DNM2: variants seen among roughly 807,000 people sequenced by gnomAD.
DNM2 encodes the protein dynamin-2.
In DNM2, 15 loss-of-function variants were observed where a neutral mutation model predicts 99.0. That is an observed-to-expected ratio of 0.15 (90% confidence interval 0.10 to 0.23). The LOEUF (loss-of-function observed/expected upper bound fraction) is 0.23. Ranked by LOEUF, DNM2 falls within the 10% of genes least tolerant of loss-of-function variation. The pLI is 1.00. For missense variants in DNM2, 742 were observed against 1,189.4 expected (o/e 0.62, Z 5.53); for synonymous variants, 525 against 481.2 (o/e 1.09, Z -1.19).
intron 1 of DNM2, among the ~76,000 whole-genome samples, chr19:10,753,201 T>C (rs896521405): frequency 6.6e-6 from 1 of 152,190 alleles, no homozygotes; most frequent in African/African-American, 2.4e-5. Context: ...CAGTGTTGAA[T>C]AGCTATTAGC....
chr19:10,726,937 C>T (rs2069135810), intron 1 of DNM2, among the ~76,000 whole-genome samples: 1 of 152,184 alleles, frequency 6.6e-6, no homozygotes, highest in African/African-American at 2.4e-5. Flanking sequence ...CGACTATCAA[C>T]TCGCTACTCA....
intron 2 of DNM2, among the ~76,000 whole-genome samples, chr19:10,761,484 G>T (rs2070631835): frequency 6.6e-6 from 1 of 152,128 alleles, no homozygotes; most frequent in Non-Finnish European, 1.5e-5. Context: ...AGGATCTTGG[G>T]TCAGAAGCTA....
At chr19:10,798,291 C>T (rs774644375) in intron 10 of DNM2, 195 bp from the exon 11 acceptor site, 18 of 606,792 alleles carry the variant, frequency 3.0e-5, no homozygotes, top group East Asian at 8.4e-5. Flanking sequence ...CTGCTGTCTC[C>T]GGTCCACGGT....
intron 1 of DNM2, among the ~76,000 whole-genome samples, chr19:10,747,385 C>T (rs2070027382): frequency 6.6e-6 from 1 of 152,176 alleles, no homozygotes; most frequent in Admixed American, 6.6e-5. Context: ...GCCACGATCA[C>T]GAATTGCCAC....
chr19:10,751,234 AACCTAG>A (rs1449294643), intron 1 of DNM2, among the ~76,000 whole-genome samples: 1 of 152,014 alleles, frequency 6.6e-6, no homozygotes, highest in Admixed American at 6.6e-5. Flanking sequence ...ACTGACGGGA[AACCTAG>A]ACCAGAGAGG....
At position 10,817,583 on chromosome 19, in the gene DNM2, A is replaced by G. The variant is rs1227564445; in HGVS notation, c.1672-2397A>G. On this transcript the variant is annotated intron_variant, in intron 15 of 20. Transcript: ENST00000389253. The surrounding 1 kb of genome is among the most constrained non-coding windows in gnomAD (Gnocchi z 4.6). ...GTGCCTCAGCACCTCTGAGCAGCCA[A>G]GGAAACCACCACTCTTCCCGAGACG... 2.7e-6 allele frequency: 1 copy of G among 371,232 alleles called. No homozygotes were observed. Among genetic ancestry groups the G allele is most frequent in the East Asian group, 1.1e-4 (1 of 8,882 alleles). The allele number at this position is 371,232 out of a possible 1,614,324, so 23.0% of individuals were successfully genotyped here.
chr19:10,830,516 GCGAGGAAACAGGCCCAGAGA>G lies in DNM2; in HGVS notation c.2543+139_2543+158del. On this transcript the variant is annotated intron_variant, in intron 20 of 20. Transcript: ENST00000389253. The surrounding 1 kb of genome is among the most constrained non-coding windows in gnomAD (Gnocchi z 4.8). ...AATCGTCCTCATCCCTATTTGGCTT[GCGAGGAAACAGGCCCAGAGA>G]GGCCAAGAGGCTTGTTCAGTGTCAC... is the stretch of plus-strand genomic sequence containing the variant. The G allele has an allele frequency of 2.8e-6, 3 of 1,090,794 alleles. No individual in the cohort carries two copies. In the African/African-American group the frequency reaches 4.7e-5, roughly 17 times the overall value. The allele number at this position is 1,090,794 out of a possible 1,614,324, so 67.6% of individuals were successfully genotyped here. A position where few individuals can be genotyped will look rare whatever the true frequency, so the allele number is the denominator to read the frequency against.
chr19:10,776,119 A>G (rs899108381), intron 4 of DNM2, among the ~76,000 whole-genome samples: 11 of 152,018 alleles, frequency 7.2e-5, no homozygotes, highest in African/African-American at 2.7e-4. Context: ...TCCTCCTTGG[A>G]CATGGCAGTG....
In DNM2 at chr19:10,786,629, G is replaced by A. The variant is rs773624569; in HGVS notation, c.915G>A (p.Leu305=). Residue 305 remains leucine (L), a synonymous_variant, in exon 7 of 21, where the codon CTG becomes CTA. Transcript: ENST00000389253. ...GTAGCAAACTACAGAGCCAGCTGCTGTCCCTGGAGAAGGAGGTGGAGGAGT... is the reference window on the plus strand; with the variant it reads ...GTAGCAAACTACAGAGCCAGCTGCTATCCCTGGAGAAGGAGGTGGAGGAGT... ...ALRSKLQSQL[L]SLEKEVEEYK... is the part of the protein sequence containing the mutation. 14 of 1,614,172 alleles carry A rather than the reference G, an allele frequency of 8.7e-6. No individual in the cohort carries two copies. The highest frequency in any genetic ancestry group is 1.1e-5 in the Non-Finnish European group (13 of 1,180,032).
intron 15 of DNM2, among the ~76,000 whole-genome samples, chr19:10,814,405 G>A (rs577547064): frequency 2.0e-5 from 3 of 150,960 alleles, no homozygotes; most frequent in Admixed American, 6.6e-5. Context: ...CAGAGGTTGC[G>A]GTGAGCCAAA....
At position 10,783,025 on chromosome 19, in the gene DNM2, C is replaced by G; in HGVS notation, c.754C>G (p.Leu252Val). The G allele has an allele frequency of 1.2e-6, 2 of 1,614,128 alleles. No individual in the cohort carries two copies. The highest frequency in any genetic ancestry group is 8.5e-7 in the Non-Finnish European group (1 of 1,180,058). ...GGGCAAGAAGGACATCCGTGCAGCA[C>G]TGGCAGCTGAGAGGAAGTTCTTCCT... is the stretch of plus-strand genomic sequence containing the variant. ...IEGKKDIRAA[L>V]AAERKFFLSH... The change falls in exon 6 of 21, where the codon CTG (leucine) becomes GTG (valine). Residue 252 changes from leucine (L) to valine (V), a missense_variant. Physicochemically the swap from Leu to Val is conservative, Grantham distance 32. Transcript: ENST00000389253.
At chr19:10,787,053 G>T (rs901148699) in intron 7 of DNM2, among the ~76,000 whole-genome samples, 2 of 152,210 alleles carry the variant, frequency 1.3e-5, no homozygotes, top group East Asian at 1.9e-4. Context: ...GCATTGGCCG[G>T]CCAGGAGCGG....
At chr19:10,733,796 C>T (rs1266636475) in intron 1 of DNM2, among the ~76,000 whole-genome samples, 1 of 151,708 alleles carries the variant, frequency 6.6e-6, no homozygotes, top group East Asian at 1.9e-4. Flanking sequence ...CACCTGAGGT[C>T]AGGAGTTCAA....
chr19:10,808,490 C>T, intron 13 of DNM2, 79 bp from the exon 14 acceptor site: 1 of 1,505,940 alleles, frequency 6.6e-7, no homozygotes, highest in Non-Finnish European at 9.1e-7. Context: ...TTCTTTGTCC[C>T]CTTCACGTCC....
chr19:10,819,045 G>A (rs944030495), intron 15 of DNM2, among the ~76,000 whole-genome samples: 38 of 152,226 alleles, frequency 2.5e-4, no homozygotes, highest in African/African-American at 8.9e-4. Flanking sequence ...GCCCCTGGCC[G>A]AGGGGCCCAC....
intron 2 of DNM2, among the ~76,000 whole-genome samples, chr19:10,762,632 G>A (rs1693053920): frequency 1.3e-5 from 2 of 152,210 alleles, no homozygotes; most frequent in African/African-American, 4.8e-5. Flanking sequence ...TACCTGACCC[G>A]GATGAACGAT....
At chr19:10,722,785 G>C (rs563640076) in intron 1 of DNM2, among the ~76,000 whole-genome samples, 16 of 151,364 alleles carry the variant, frequency 1.1e-4, no homozygotes, top group African/African-American at 3.4e-4. Flanking sequence ...GTGCCACCAC[G>C]CTTGGCTAAT....
chr19:10,750,165 A>C (rs2070142826), intron 1 of DNM2, among the ~76,000 whole-genome samples: 1 of 152,062 alleles, frequency 6.6e-6, no homozygotes, highest in Admixed American at 6.5e-5. Context: ...CATGGATAGG[A>C]GGCCAGGTAC....
chr19:10,798,367 C>T (rs2072013359), intron 10 of DNM2, 119 bp from the exon 11 acceptor site: 5 of 604,636 alleles, frequency 8.3e-6, no homozygotes, highest in Admixed American at 2.4e-5. Context: ...GGTGTGGGCT[C>T]GGTGGGCCCC....
Sources: gnomAD v4.1 joint callset for allele counts (sites outside exome capture counted in the v4.1 genomes callset) on GRCh38, gnomAD v4.1.1 for gene constraint, Gnocchi (gnomAD v3.1) non-coding constraint, MANE v1.5 for transcripts, NCBI Gene and HGNC (gene_info 2026-07-23, HGNC 2026-07-21) for gene names.